GARNL3: variants seen among roughly 807,000 people sequenced by gnomAD.
GARNL3 encodes GTPase activating Rap/RanGAP domain like 3, also known as GTPase-activating Rap/Ran-GAP domain-like protein 3.
In GARNL3, 63 loss-of-function variants were observed where a neutral mutation model predicts 125.0. The ratio of observed to expected loss-of-function variants is 0.50; its 90% CI spans 0.41 to 0.62. GARNL3 has a LOEUF of 0.62. GARNL3 is among the 20% of genes least tolerant of loss of function. The pLI is 0.00. For synonymous variants in GARNL3, 439 were observed against 457.5 expected, an observed-to-expected ratio of 0.96 and a Z score of 0.52; for missense variants, 994 against 1,244.0, an observed-to-expected ratio of 0.80 and a Z score of 3.02.
intron 1 of GARNL3, among the ~76,000 whole-genome samples, chr9:127,279,796 CAA>C (rs753199376): frequency 6.6e-5 from 10 of 152,148 alleles, no homozygotes; most frequent in South Asian, 2.1e-4. Context: ...CAAACAAAAA[CAA>C]AGAGCTATTC....
rs1185304448 is a variant in GARNL3, at chr9:127,392,320, G to T, written c.2871-763G>T. Among the ~76,000 whole-genome samples, 1 of 152,238 alleles carries T rather than the reference G, an allele frequency of 6.6e-6. No homozygotes were observed. On this transcript the variant is annotated intron_variant, in intron 27 of 27. Transcript: ENST00000373387. This position sits in a 1 kb window ranked among gnomAD's most constrained non-coding sequence, Gnocchi z 5.2. ...TACAAGAAATTGAGAAGAAGTGACG[G>T]GGCTGGCACATAGAAGGTCTACTCT...
At chr9:127,257,785 G>A (rs1171367008) in intron 2 of GARNL3, among the ~76,000 whole-genome samples, 1 of 152,194 alleles carries the variant, frequency 6.6e-6, no homozygotes, top group Non-Finnish European at 1.5e-5. Context: ...TGTTCAAGTA[G>A]AGCAAATGTA....
chr9:127,324,455 C>T (rs2065501781), intron 6 of GARNL3, among the ~76,000 whole-genome samples: 1 of 152,174 alleles, frequency 6.6e-6, no homozygotes. Context: ...TGCCTCCATC[C>T]TGACCCTCGT....
chr9:127,355,510 G>A, intron 20 of GARNL3, 38 bp downstream of exon 20: 1 of 1,597,736 alleles, frequency 6.3e-7, no homozygotes, highest in Non-Finnish European at 8.6e-7. Flanking sequence ...TCCCAACCAA[G>A]TTGTCTTGAA....
chr9:127,275,885 C>T, intron 1 of GARNL3, among the ~76,000 whole-genome samples: 1 of 152,116 alleles, frequency 6.6e-6, no homozygotes, highest in Admixed American at 6.5e-5. Flanking sequence ...CGTTGTGTTG[C>T]AGTCTTTTAA....
At chr9:127,327,381 T>A (rs1564143343) in intron 7 of GARNL3, among the ~76,000 whole-genome samples, 1 of 151,966 alleles carries the variant, frequency 6.6e-6, no homozygotes, top group Non-Finnish European at 1.5e-5. Flanking sequence ...AGGGGGTAGG[T>A]TTTTTACATT....
chr9:127,224,935 G>T (rs2062873006), intron 1 of GARNL3, among the ~76,000 whole-genome samples: 1 of 136,594 alleles, frequency 7.3e-6, no homozygotes, highest in Non-Finnish European at 1.6e-5. Context: ...GCGTGGGCGG[G>T]GCGTGGGCGG....
At chr9:127,326,323 G>C (rs1044239269) in intron 7 of GARNL3, among the ~76,000 whole-genome samples, 1 of 152,130 alleles carries the variant, frequency 6.6e-6, no homozygotes. Flanking sequence ...TTAATTTTGT[G>C]TTCCCAGATC....
intron 1 of GARNL3, among the ~76,000 whole-genome samples, chr9:127,226,250 C>A (rs1428231483): frequency 6.6e-6 from 1 of 152,200 alleles, no homozygotes; most frequent in Non-Finnish European, 1.5e-5. Context: ...GACTCCGACC[C>A]GCACTGAGGC....
intron 7 of GARNL3, among the ~76,000 whole-genome samples, chr9:127,327,334 G>A (rs1462148628): frequency 6.6e-6 from 1 of 152,200 alleles, no homozygotes; most frequent in Admixed American, 6.5e-5. Context: ...CCCAAGAGCT[G>A]TGAAGAAAGT....
At chr9:127,275,556 C>T (rs2063932453) in intron 1 of GARNL3, among the ~76,000 whole-genome samples, 1 of 152,312 alleles carries the variant, frequency 6.6e-6, no homozygotes. Context: ...CATATCCATT[C>T]CATGGGTTAG....
chr9:127,376,217 C>T (rs1484538750), intron 22 of GARNL3, among the ~76,000 whole-genome samples: 1 of 152,190 alleles, frequency 6.6e-6, no homozygotes, highest in South Asian at 2.1e-4. Flanking sequence ...GCCTCGGCCT[C>T]CCAAAATGCT....
chr9:127,236,262 A>G (rs909293407), intron 1 of GARNL3, among the ~76,000 whole-genome samples: 1 of 152,208 alleles, frequency 6.6e-6, no homozygotes, highest in African/African-American at 2.4e-5. Context: ...ATTATCGGAA[A>G]TGTCAAAGCA....
chr9:127,299,190 G>T (rs1037671213), intron 2 of GARNL3, among the ~76,000 whole-genome samples: 2 of 151,720 alleles, frequency 1.3e-5, no homozygotes, highest in Admixed American at 1.3e-4. Context: ...GCTGGCGGGT[G>T]CCTGTAGATC....
intron 1 of GARNL3, among the ~76,000 whole-genome samples, chr9:127,284,762 TATAA>T (rs2064199871): frequency 6.7e-6 from 1 of 149,322 alleles, no homozygotes; most frequent in Admixed American, 6.7e-5. Context: ...AATATATGCA[TATAA>T]ATAAATTTAT....
chr9:127,281,491 C>T (rs536122495), intron 1 of GARNL3, among the ~76,000 whole-genome samples: 4 of 152,282 alleles, frequency 2.6e-5, no homozygotes, highest in South Asian at 2.1e-4. Flanking sequence ...GTTCTATATG[C>T]GCCATGGTGC....
chr9:127,297,798 A>T (rs2064649765), intron 2 of GARNL3, among the ~76,000 whole-genome samples: 1 of 152,214 alleles, frequency 6.6e-6, no homozygotes, highest in African/African-American at 2.4e-5. Context: ...TGTAATTTGC[A>T]TGGCAATAAA....
Position 127,291,164 on chromosome 9 carries a change from C to T in GARNL3, c.145-4C>T. On this transcript the variant is annotated splice_region_variant and splice_polypyrimidine_tract_variant and intron_variant, in intron 1 of 27. Coordinates refer to ENST00000373387, the MANE Select transcript of GARNL3 (RefSeq NM_032293.5). ...TTCCTAATTGAATGCTTTTTCCCCC[C>T]TAGCTTATTTCCAGTGATGCTGATG... The T allele has an allele frequency of 6.2e-7, 1 of 1,613,916 alleles. No homozygotes were observed. Among genetic ancestry groups the T allele is most frequent in the Non-Finnish European group, 8.5e-7 (1 of 1,179,844 alleles).
chr9:127,293,859 A>C (rs1416469828), intron 2 of GARNL3, among the ~76,000 whole-genome samples: 1 of 152,164 alleles, frequency 6.6e-6, no homozygotes, highest in African/African-American at 2.4e-5. Flanking sequence ...ATACCTTTAA[A>C]CCAAATACCC....
Sources: gnomAD v4.1 joint callset for allele counts (sites outside exome capture counted in the v4.1 genomes callset) on GRCh38, gnomAD v4.1.1 for gene constraint, Gnocchi (gnomAD v3.1) non-coding constraint, MANE v1.5 for transcripts, NCBI Gene and HGNC (gene_info 2026-07-23, HGNC 2026-07-21) for gene names.